Variants in NFIA observed in about 807,000 individuals in gnomAD.
The protein encoded by NFIA is nuclear factor I A, also known as nuclear factor 1 A-type.
Under a neutral mutation model 62.8 loss-of-function variants are expected in NFIA, and 8 were observed. That is an observed-to-expected ratio of 0.13 (90% CI 0.07 to 0.23). NFIA has a LOEUF of 0.23. NFIA is among the 10% of genes least tolerant of loss of function. The pLI is 1.00. For missense variants in NFIA, 410 were observed against 642.1 expected, an observed-to-expected ratio of 0.64 and a Z score of 3.91; for synonymous variants, 235 against 238.1, an observed-to-expected ratio of 0.99 and a Z score of 0.12.
At chr1:61,287,477 T>C (rs1363009387) in intron 3 of NFIA, among the ~76,000 whole-genome samples, 1 of 152,188 alleles carries the variant, frequency 6.6e-6, no homozygotes, top group Non-Finnish European at 1.5e-5. Context: ...AGGTCTCACA[T>C]ACATTCACCA....
chr1:61,233,093 TTC>T (rs1490020811), intron 2 of NFIA, among the ~76,000 whole-genome samples: 1 of 152,232 alleles, frequency 6.6e-6, no homozygotes, highest in Non-Finnish European at 1.5e-5. Flanking sequence ...TAAAAAAATG[TTC>T]TTTCTTTTTT....
chr1:61,117,786 T>C (rs1646817079), intron 2 of NFIA, among the ~76,000 whole-genome samples: 2 of 152,216 alleles, frequency 1.3e-5, no homozygotes, highest in South Asian at 2.1e-4. Context: ...AGCTTAGTGA[T>C]GAAAGCATAT....
intron 4 of NFIA, among the ~76,000 whole-genome samples, chr1:61,340,125 G>C (rs1394241253): frequency 1.3e-5 from 2 of 152,136 alleles, no homozygotes; most frequent in Non-Finnish European, 2.9e-5. Context: ...TTTGATCTCT[G>C]TTCTCAGCTG....
At chr1:61,398,974 C>T (rs1413042225) in intron 7 of NFIA, among the ~76,000 whole-genome samples, 1 of 152,108 alleles carries the variant, frequency 6.6e-6, no homozygotes. Context: ...TGGAAAGCTT[C>T]TTTTGTTTTT....
chr1:61,381,322 C>A (rs1226211692), intron 6 of NFIA, among the ~76,000 whole-genome samples: 3 of 151,924 alleles, frequency 2.0e-5, no homozygotes, highest in Admixed American at 2.0e-4. Flanking sequence ...TATTTGAAAT[C>A]TCCTCCTTAG....
chr1:61,184,434 G>A (rs2100565898), intron 2 of NFIA, among the ~76,000 whole-genome samples: 1 of 152,344 alleles, frequency 6.6e-6, no homozygotes, highest in South Asian at 2.1e-4. Flanking sequence ...TGTTCTTGCT[G>A]AATGTGTCTA....
intron 6 of NFIA, among the ~76,000 whole-genome samples, chr1:61,370,435 T>G (rs1218450106): frequency 6.6e-6 from 1 of 152,180 alleles, no homozygotes; most frequent in Non-Finnish European, 1.5e-5. Flanking sequence ...ATATCTCAAG[T>G]GGAAGAAAAC....
chr1:61,436,270 C>G (rs1198956829), intron 10 of NFIA, among the ~76,000 whole-genome samples: 1 of 152,064 alleles, frequency 6.6e-6, no homozygotes, highest in Non-Finnish European at 1.5e-5. Flanking sequence ...GGAAAAGAGC[C>G]TGGTTTTGCA....
At chr1:61,298,937 C>T (rs190487054) in intron 3 of NFIA, among the ~76,000 whole-genome samples, 194 of 152,248 alleles carry the variant, frequency 1.3e-3, no homozygotes, top group Non-Finnish European at 1.8e-3. Flanking sequence ...TTATTTCCTT[C>T]CGAGTAATAG....
chr1:61,281,153 A>C (rs1232036906), intron 3 of NFIA, among the ~76,000 whole-genome samples: 3 of 151,884 alleles, frequency 2.0e-5, no homozygotes, highest in Admixed American at 6.6e-5. Flanking sequence ...GCAGCAGACT[A>C]TCTTGAATCC....
At chr1:61,325,932 C>A (rs1381704660) in intron 3 of NFIA, among the ~76,000 whole-genome samples, 425 of 87,794 alleles carry the variant, frequency 4.8e-3, no homozygotes, top group Middle Eastern at 8.3e-3. Flanking sequence ...GACTCTGTCT[C>A]AAAAAAAAAA....
intron 2 of NFIA, among the ~76,000 whole-genome samples, chr1:61,256,364 A>ATTGCAGT (rs1320900789): frequency 4.1e-4 from 61 of 149,016 alleles, no homozygotes; most frequent in African/African-American, 1.5e-3. Flanking sequence ...TGAACCGAGG[A>ATTGCAGT]GACAGAGGTT....
chr1:61,290,030 G>A (rs886224703), intron 3 of NFIA, among the ~76,000 whole-genome samples: 1 of 66,896 alleles, frequency 1.5e-5, no homozygotes, highest in African/African-American at 5.9e-5. Context: ...TTTTTTTTTT[G>A]ACAAAATATA....
At chr1:61,426,324 G>T in intron 9 of NFIA, 141 bp from the exon 10 acceptor site, 1 of 641,822 alleles carries the variant, frequency 1.6e-6, no homozygotes, top group South Asian at 1.8e-5. Flanking sequence ...GCCCTTGCTA[G>T]CCAGACCCCT....
intron 10 of NFIA, among the ~76,000 whole-genome samples, chr1:61,436,776 A>T (rs1015624842): frequency 6.6e-6 from 1 of 152,292 alleles, no homozygotes; most frequent in South Asian, 2.1e-4. Flanking sequence ...TCCACAGCAC[A>T]CACCTCCCCC....
At chr1:61,282,732 T>C (rs904009356) in intron 3 of NFIA, among the ~76,000 whole-genome samples, 3 of 152,224 alleles carry the variant, frequency 2.0e-5, no homozygotes, top group Admixed American at 1.3e-4. Context: ...GGGGCTCCCT[T>C]GCCAGAAAGT....
At chr1:61,428,584 AT>A (rs1204256805) in intron 10 of NFIA, among the ~76,000 whole-genome samples, 6 of 152,016 alleles carry the variant, frequency 3.9e-5, no homozygotes, top group Non-Finnish European at 8.8e-5. Context: ...TGTTCTAAAT[AT>A]TTTAATTTTA....
At chr1:61,160,052 C>G (rs1472342121) in intron 2 of NFIA, among the ~76,000 whole-genome samples, 2 of 152,156 alleles carry the variant, frequency 1.3e-5, no homozygotes, top group Admixed American at 6.5e-5. Flanking sequence ...TACAGACATT[C>G]TTTGGATACC....
intron 2 of NFIA, among the ~76,000 whole-genome samples, chr1:61,217,199 G>C (rs1353888537): frequency 6.6e-6 from 1 of 150,668 alleles, no homozygotes; most frequent in African/African-American, 2.4e-5. Context: ...TGGGACTGCC[G>C]GCACATGCCA....
Sources: allele counts gnomAD v4.1 joint callset (sites outside exome capture counted in the v4.1 genomes callset), GRCh38; gene constraint gnomAD v4.1.1; transcripts MANE v1.5; gene names NCBI Gene and HGNC (gene_info 2026-07-23, HGNC 2026-07-21).